The following LIMS2 variants were observed in gnomAD, a reference collection of about 807,000 sequenced individuals.
The protein encoded by LIMS2 is LIM zinc finger domain containing 2, also known as LIM and senescent cell antigen-like-containing domain protein 2.
Under a neutral mutation model 45.3 loss-of-function variants are expected in LIMS2, and 30 were observed. The observed-to-expected ratio is 0.66, with a 90% CI of 0.50 to 0.90. The LOEUF (loss-of-function observed/expected upper bound fraction) is 0.90. Among genes scored for constraint, LIMS2 ranks in the 40% least tolerant of loss-of-function variants. The probability of loss-of-function intolerance (pLI) is 0.00; values close to 1 mark genes in which losing one functional copy is unlikely to be tolerated. For synonymous variants in LIMS2, 173 were observed against 188.0 expected, an observed-to-expected ratio of 0.92 and a Z score of 0.65; for missense variants, 485 against 468.7, an observed-to-expected ratio of 1.03 and a Z score of -0.32.
At chr2:127,675,728 C>T (rs1051646949), upstream of LIMS2, among the ~76,000 whole-genome samples, 1 of 152,172 alleles carries the variant, frequency 6.6e-6, no homozygotes, top group African/African-American at 2.4e-5. Flanking sequence ...CCCGGGCTTT[C>T]CTAGCCCGGA....
chr2:127,658,086 A>G (rs1274460922), intron 1 of LIMS2, among the ~76,000 whole-genome samples: 1 of 152,212 alleles, frequency 6.6e-6, no homozygotes, highest in Non-Finnish European at 1.5e-5. Context: ...AACACAGAGC[A>G]GGCAAGAGGG....
chr2:127,679,808 T>C (rs981386915), upstream of LIMS2, among the ~76,000 whole-genome samples: 3 of 152,150 alleles, frequency 2.0e-5, no homozygotes, highest in African/African-American at 7.2e-5. The surrounding 1 kb of genome is among the most constrained non-coding windows in gnomAD (Gnocchi z 5.3). Flanking sequence ...GCCACAGCCC[T>C]GTCCCCATGT....
chr2:127,641,061 G>T (rs1212899445), intron 6 of LIMS2, 73 bp from the exon 7 acceptor site: 3 of 1,236,200 alleles, frequency 2.4e-6, no homozygotes, highest in Admixed American at 1.7e-5. Context: ...GGTGACCCGG[G>T]GACAACAGTG....
At chr2:127,677,122 G>C (rs1238752415), upstream of LIMS2, among the ~76,000 whole-genome samples, 1 of 152,228 alleles carries the variant, frequency 6.6e-6, no homozygotes, top group Non-Finnish European at 1.5e-5. The surrounding 1 kb of genome is among the most constrained non-coding windows in gnomAD (Gnocchi z 5.0). Flanking sequence ...AGATGCAGAG[G>C]CTTCAAGGAG....
chr2:127,673,790 G>A (rs2105347805), intron 1 of LIMS2: 1 of 1,530,452 alleles, frequency 6.5e-7, no homozygotes, highest in Non-Finnish European at 8.9e-7. Flanking sequence ...GGGATGCTCT[G>A]AGGAAAATGG....
At chr2:127,661,362 G>T (rs111460382) in intron 1 of LIMS2, among the ~76,000 whole-genome samples, 19 of 152,360 alleles carry the variant, frequency 1.2e-4, no homozygotes, top group Non-Finnish European at 2.4e-4. Flanking sequence ...AGGGCAAAGC[G>T]CTGGATAAGG....
At chr2:127,649,640 C>T (rs928349122) in intron 4 of LIMS2, among the ~76,000 whole-genome samples, 1 of 152,240 alleles carries the variant, frequency 6.6e-6, no homozygotes, top group African/African-American at 2.4e-5. Flanking sequence ...GGGACCCTCA[C>T]TCTCCTTCTT....
chr2:127,673,902 GC>G, intron 1 of LIMS2: 1 of 666,670 alleles, frequency 1.5e-6, no homozygotes, highest in Non-Finnish European at 2.7e-6. Context: ...CTGCAGAGGG[GC>G]CTGGGCCAAG....
rs1685279638 is a variant in LIMS2, at chr2:127,671,766, T to C, written c.11+3248A>G. Among the ~76,000 whole-genome samples, 1 of 152,196 alleles carries C rather than the reference T, an allele frequency of 6.6e-6. No individual in the cohort carries two copies. Among genetic ancestry groups the C allele is most frequent in the Non-Finnish European group, 1.5e-5 (1 of 68,010 alleles). ...GAAAAAGGAAGGAGGTGAGGGGCCA[T>C]GGCAGTGCCACCTGGCCCAGTCTGG... is the stretch of plus-strand genomic sequence containing the variant. On this transcript the variant is annotated intron_variant, in intron 1 of 9. Coordinates refer to ENST00000355119, the MANE Select transcript of LIMS2 (RefSeq NM_001161403.3). This position sits in a 1 kb window ranked among gnomAD's most constrained non-coding sequence, Gnocchi z 4.1.
At chr2:127,660,940 A>G (rs1416785028) in intron 1 of LIMS2, among the ~76,000 whole-genome samples, 1 of 107,502 alleles carries the variant, frequency 9.3e-6, no homozygotes, top group African/African-American at 3.6e-5. Context: ...GGGGGGGCGG[A>G]TGTGGGGGTG....
intron 1 of LIMS2, among the ~76,000 whole-genome samples, chr2:127,661,600 A>G (rs1237836154): frequency 6.6e-6 from 1 of 152,222 alleles, no homozygotes; most frequent in Non-Finnish European, 1.5e-5. Flanking sequence ...ACTACGTAGA[A>G]CATACTGCCC....
chr2:127,668,300 T>A (rs1010758320), intron 1 of LIMS2, among the ~76,000 whole-genome samples: 1 of 152,104 alleles, frequency 6.6e-6, no homozygotes, highest in African/African-American at 2.4e-5. Context: ...CTGCCTTTTT[T>A]AAAGAAATAG....
chr2:127,680,855 AT>A (rs1338125787), intron 1 of LIMS2, among the ~76,000 whole-genome samples: 1 of 152,064 alleles, frequency 6.6e-6, no homozygotes, highest in East Asian at 1.9e-4. Flanking sequence ...CCCACCACAT[AT>A]CCAGGAATGC....
At position 127,664,390 on chromosome 2, in the gene LIMS2, G is replaced by A. The variant is rs1684880440; in HGVS notation, c.12-6828C>T. On this transcript the variant is annotated intron_variant, in intron 1 of 9. Coordinates refer to ENST00000355119, the MANE Select transcript of LIMS2 (RefSeq NM_001161403.3). The surrounding 1 kb of genome is among the most constrained non-coding windows in gnomAD (Gnocchi z 5.5). ...CAGCGCACCCAGCCGGGCCGCCATG[G>A]CGCGGGGCAGCCGCCTTGAGGTCGC... is the stretch of plus-strand genomic sequence containing the variant. 1 of 1,205,690 alleles carries A rather than the reference G, an allele frequency of 8.3e-7. No homozygotes were observed. The highest frequency in any genetic ancestry group is 4.2e-5 in the South Asian group (1 of 24,070). The allele number at this position is 1,205,690 out of a possible 1,614,324, so 74.7% of individuals were successfully genotyped here.
At chr2:127,650,301 GAC>G (rs1219500626) in intron 4 of LIMS2, 1 of 577,168 alleles carries the variant, frequency 1.7e-6, no homozygotes, top group Admixed American at 3.1e-5. Context: ...GAATCCCGGA[GAC>G]ACACTGCCCC....
intron 9 of LIMS2, 66 bp downstream of exon 9, chr2:127,640,004 C>A: frequency 6.6e-7 from 1 of 1,521,420 alleles, no homozygotes; most frequent in Non-Finnish European, 9.1e-7. Flanking sequence ...AGGAGGGCTG[C>A]TGAGAGGAAG....
intron 4 of LIMS2, 115 bp downstream of exon 4, chr2:127,654,309 T>C: frequency 7.0e-7 from 1 of 1,424,036 alleles, no homozygotes; most frequent in Non-Finnish European, 9.8e-7. Context: ...CAGTGCAGGC[T>C]GCAGCACCGG....
chr2:127,654,809 G>T, intron 3 of LIMS2, 21 bp downstream of exon 3: 2 of 1,613,172 alleles, frequency 1.2e-6, no homozygotes, highest in Non-Finnish European at 8.5e-7. Flanking sequence ...AGCCCAGGAT[G>T]TGTACTGTCA....
Position 127,638,808 on chromosome 2 carries a change from CCA to C in LIMS2, c.*471_*472del. On this transcript the variant is annotated 3_prime_UTR_variant, in exon 10 of 10. Transcript: ENST00000355119. ...GATTGGAGGTGGCTCCCAGAGGCCTCCATCTGCATGGCCCTGGCCCTGTGGCT... is the reference window on the plus strand; with the variant it reads ...GATTGGAGGTGGCTCCCAGAGGCCTCTCTGCATGGCCCTGGCCCTGTGGCT... 3 of 163,326 alleles carry C rather than the reference CCA, an allele frequency of 1.8e-5. No individual in the cohort carries two copies. The South Asian group carries it at 4.7e-4, about 25-fold the overall frequency. 10.1% of individuals were successfully genotyped at this position (163,326 alleles called of 1,614,324 possible).
Sources: allele counts gnomAD v4.1 joint callset (sites outside exome capture counted in the v4.1 genomes callset), GRCh38; gene constraint gnomAD v4.1.1; non-coding constraint Gnocchi (gnomAD v3.1); transcripts MANE v1.5; gene names NCBI Gene and HGNC (gene_info 2026-07-23, HGNC 2026-07-21).